PIK3C2G: variants seen among roughly 807,000 people sequenced by gnomAD.
PIK3C2G encodes the protein phosphatidylinositol 3-kinase C2 domain-containing subunit gamma.
Under a neutral mutation model 181.1 loss-of-function variants are expected in PIK3C2G, and 168 were observed. That is an observed-to-expected ratio of 0.93 (90% CI 0.82 to 1.05). The LOEUF (loss-of-function observed/expected upper bound fraction) is 1.05. Ranked by LOEUF, PIK3C2G falls within the 50% of genes least tolerant of loss-of-function variation. The pLI is 0.00. For synonymous variants in PIK3C2G, 573 were observed against 592.2 expected (o/e 0.97, Z 0.47); for missense variants, 1,869 against 1,732.8 (o/e 1.08, Z -1.40).
intron 26 of PIK3C2G, among the ~76,000 whole-genome samples, chr12:18,550,715 T>C (rs1944685363): frequency 6.6e-6 from 1 of 152,064 alleles, no homozygotes; most frequent in Non-Finnish European, 1.5e-5. Context: ...CCACTGTTTA[T>C]TGTGATACAA....
the PIK3C2G span, among the ~76,000 whole-genome samples, chr12:18,667,688 C>A: frequency 6.6e-6 from 1 of 152,230 alleles, no homozygotes; most frequent in Non-Finnish European, 1.5e-5. Flanking sequence ...TTACCCACAG[C>A]ATTTGATTTC....
the PIK3C2G span, chr12:18,683,613 C>G: frequency 1.5e-5 from 21 of 1,418,472 alleles, no homozygotes; most frequent in Non-Finnish European, 2.8e-6. Flanking sequence ...AGACCTGTTT[C>G]CTAGGCACAT....
chr12:18,404,158 C>A (rs1182863021), intron 16 of PIK3C2G, among the ~76,000 whole-genome samples: 1 of 151,898 alleles, frequency 6.6e-6, no homozygotes, highest in East Asian at 1.9e-4. Flanking sequence ...TTTTTTTCTC[C>A]AAACCATTGT....
intron 29 of PIK3C2G, among the ~76,000 whole-genome samples, chr12:18,584,539 A>T (rs919865651): frequency 6.6e-6 from 1 of 152,160 alleles, no homozygotes; most frequent in Admixed American, 6.5e-5. Context: ...GACATATGGA[A>T]TCAAGTAAAG....
chr12:18,433,595 A>C (rs1051089058), intron 18 of PIK3C2G, among the ~76,000 whole-genome samples: 1 of 152,330 alleles, frequency 6.6e-6, no homozygotes, highest in East Asian at 1.9e-4. Flanking sequence ...ACCATGAGTT[A>C]TGATAACAAT....
At chr12:18,259,096 G>A (rs1047499675), upstream of PIK3C2G, among the ~76,000 whole-genome samples, 1 of 151,924 alleles carries the variant, frequency 6.6e-6, no homozygotes, top group Non-Finnish European at 1.5e-5. Flanking sequence ...AACTAGGTTC[G>A]GGTCACTCTA....
chr12:18,673,444 G>A, the PIK3C2G span, among the ~76,000 whole-genome samples: 2 of 151,892 alleles, frequency 1.3e-5, no homozygotes, highest in African/African-American at 2.4e-5. Flanking sequence ...ATCCATTATG[G>A]AATTCTAAAA....
rs187629709 is a variant in PIK3C2G at position 18,295,894 on chromosome 12, C to T, written c.1034+1879C>T. ...TTACTTTTAGTGTATTCCTGTGTAACTTGTCTAAAAAATATGTCCTTAAAG... is the reference window on the plus strand; with the variant it reads ...TTACTTTTAGTGTATTCCTGTGTAATTTGTCTAAAAAATATGTCCTTAAAG... On this transcript the variant is annotated intron_variant, in intron 5 of 32. Coordinates refer to ENST00000538779, the MANE Select transcript of PIK3C2G (RefSeq NM_001288772.2). Among the ~76,000 whole-genome samples, 362 of 151,988 alleles carry T rather than the reference C, an allele frequency of 2.4e-3. 1 individual carries two copies. Among genetic ancestry groups the T allele is most frequent in the African/African-American group, 8.3e-3 (346 of 41,496 alleles).
At chr12:18,583,707 C>T (rs1159101819) in intron 29 of PIK3C2G, among the ~76,000 whole-genome samples, 1 of 152,110 alleles carries the variant, frequency 6.6e-6, no homozygotes, top group Non-Finnish European at 1.5e-5. Context: ...ACTACCCTTC[C>T]CCTGCCTAAC....
rs563081293 is a variant in PIK3C2G at position 18,439,166 on chromosome 12, A to G, written c.2504+15127A>G. Among the ~76,000 whole-genome samples the G allele has an allele frequency of 7.6e-4, 116 of 152,138 alleles. 1 individual carries two copies. The highest frequency in any genetic ancestry group is 2.6e-3 in the African/African-American group (107 of 41,582). On this transcript the variant is annotated intron_variant, in intron 18 of 32. Coordinates refer to ENST00000538779, the MANE Select transcript of PIK3C2G (RefSeq NM_001288772.2). ...AGGAGTAGTAGAAAAATCACTGTAT[A>G]AACAAACCAGTTTATGGGCCTGTTA...
rs80218328 is a variant in PIK3C2G, at chr12:18,429,199, G to A, written c.2504+5160G>A. On this transcript the variant is annotated intron_variant, in intron 18 of 32. Coordinates refer to ENST00000538779, the MANE Select transcript of PIK3C2G (RefSeq NM_001288772.2). Reference sequence around the variant, plus strand: ...ACACAGAGAGAAGGTCATGAAAAGGGAGGCATTGATTGCAGCCTCAAGCCA... The same window carrying A: ...ACACAGAGAGAAGGTCATGAAAAGGAAGGCATTGATTGCAGCCTCAAGCCA... 7.9e-5 allele frequency among the ~76,000 whole-genome samples: 12 copies of A among 152,184 alleles called. No individual in the cohort carries two copies. The East Asian group carries it at 2.3e-3, about 30-fold the overall frequency.
chr12:18,644,335 G>A (rs1045289167), intron 32 of PIK3C2G, among the ~76,000 whole-genome samples: 5 of 152,090 alleles, frequency 3.3e-5, no homozygotes, highest in East Asian at 1.9e-4. Flanking sequence ...CTCTTTCCAC[G>A]CCACTACTTT....
At chr12:18,246,126 T>C (rs899323098), upstream of PIK3C2G, among the ~76,000 whole-genome samples, 1 of 152,124 alleles carries the variant, frequency 6.6e-6, no homozygotes, top group Admixed American at 6.5e-5. Context: ...CTCAGAACAG[T>C]ACCATGATCA....
chr12:18,415,983 T>C (rs11044090), intron 16 of PIK3C2G, among the ~76,000 whole-genome samples: 37,283 of 152,084 alleles, frequency 0.25, 4,901 homozygotes, highest in Admixed American at 0.35. Flanking sequence ...CGCAGTGGCT[T>C]ATGCCTGTAA....
chr12:18,572,978 T>A (rs1046839865), intron 29 of PIK3C2G, among the ~76,000 whole-genome samples: 45 of 152,318 alleles, frequency 3.0e-4, no homozygotes, highest in African/African-American at 9.4e-4. Flanking sequence ...GCCTTTTTTA[T>A]TATATCTGCA....
intron 18 of PIK3C2G, among the ~76,000 whole-genome samples, chr12:18,447,566 A>G (rs7296249): frequency 0.011 from 1,602 of 152,270 alleles, 26 homozygotes; most frequent in African/African-American, 0.037. Context: ...ACGGTAATGG[A>G]AAAGCAAATA....
At chr12:18,358,170 T>G (rs1244068530) in intron 11 of PIK3C2G, among the ~76,000 whole-genome samples, 1 of 152,232 alleles carries the variant, frequency 6.6e-6, no homozygotes, top group Non-Finnish European at 1.5e-5. Context: ...GTATTCCACT[T>G]TTTTCTGCTC....
At chr12:18,690,579 T>C in the PIK3C2G span, among the ~76,000 whole-genome samples, 2 of 152,074 alleles carry the variant, frequency 1.3e-5, no homozygotes, top group East Asian at 1.9e-4. Flanking sequence ...AAGTTACAAG[T>C]AAATAAACAA....
chr12:18,390,444 A>G (rs1425726507), intron 14 of PIK3C2G, among the ~76,000 whole-genome samples: 1 of 152,172 alleles, frequency 6.6e-6, no homozygotes, highest in African/African-American at 2.4e-5. Flanking sequence ...CTTTTTGTTA[A>G]CTGTAATTTT....
Sources: allele counts gnomAD v4.1 joint callset (sites outside exome capture counted in the v4.1 genomes callset), GRCh38; gene constraint gnomAD v4.1.1; transcripts MANE v1.5; gene names NCBI Gene and HGNC (gene_info 2026-07-23, HGNC 2026-07-21).